The following IQSEC3 variants were observed in gnomAD, a reference collection of about 807,000 sequenced individuals.
IQSEC3 encodes the protein IQ motif and Sec7 domain ArfGEF 3.
A neutral mutation model predicts 105.4 loss-of-function variants in IQSEC3; 50 were observed. The observed-to-expected ratio is 0.47, with a 90% CI of 0.38 to 0.60. The LOEUF is 0.60. Among genes scored for constraint, IQSEC3 ranks in the 20% least tolerant of loss-of-function variants. IQSEC3 has a pLI of 0.00. For synonymous variants in IQSEC3, 708 were observed against 746.0 expected, an observed-to-expected ratio of 0.95 and a Z score of 0.83; for missense variants, 1,415 against 1,630.0, an observed-to-expected ratio of 0.87 and a Z score of 2.27.
At chr12:120,396 G>A (rs1452203057) in intron 2 of IQSEC3, among the ~76,000 whole-genome samples, 4 of 152,160 alleles carry the variant, frequency 2.6e-5, no homozygotes, top group Admixed American at 2.6e-4. Flanking sequence ...TGGGGATGAG[G>A]GTAGAAAGGG....
At chr12:168,201 G>A (rs1197466176) in intron 11 of IQSEC3, among the ~76,000 whole-genome samples, 3 of 152,188 alleles carry the variant, frequency 2.0e-5, no homozygotes, top group Admixed American at 6.5e-5. Flanking sequence ...GATGGCAGCC[G>A]GCAGTTCTGT....
chr12:125,078 A>G (rs925899992), intron 2 of IQSEC3, among the ~76,000 whole-genome samples: 3 of 152,248 alleles, frequency 2.0e-5, no homozygotes, highest in South Asian at 4.1e-4. Flanking sequence ...TGGTCAGTCT[A>G]AAGATGAGCT....
At position 171,394 on chromosome 12, in the gene IQSEC3, C is replaced by T. The variant is rs1938989675; in HGVS notation, c.3114+233C>T. ...TCTCCCCTTTCCCCAGCCTGCTGCC[C>T]TCCGAGGCCGAGCTCCCAGACTAAC... On this transcript the variant is annotated intron_variant, in intron 13 of 13. Coordinates refer to ENST00000538872, the MANE Select transcript of IQSEC3 (RefSeq NM_001170738.2). The T allele has an allele frequency of 2.8e-6, 4 of 1,430,402 alleles. No individual in the cohort carries two copies. In the Admixed American group the frequency reaches 6.8e-5, roughly 24 times the overall value. The allele number at this position is 1,430,402 out of a possible 1,614,324, so 88.6% of individuals were successfully genotyped here.
chr12:75,515 T>C (rs1404684870), intron 1 of IQSEC3, among the ~76,000 whole-genome samples: 1 of 152,152 alleles, frequency 6.6e-6, no homozygotes, highest in Admixed American at 6.5e-5. Flanking sequence ...TGATGTGTGA[T>C]AAGCTTGTTT....
intron 1 of IQSEC3, among the ~76,000 whole-genome samples, chr12:98,564 A>G (rs1864313387): frequency 6.6e-6 from 1 of 152,170 alleles, no homozygotes; most frequent in Non-Finnish European, 1.5e-5. Flanking sequence ...TAGAGCTGGG[A>G]CTAGAACCCA....
rs760410506 is a variant in IQSEC3 at position 83,309 on chromosome 12, C to T, written c.555-15837C>T. Among the ~76,000 whole-genome samples the T allele has an allele frequency of 5.3e-5, 8 of 152,086 alleles. No homozygotes were observed. In the East Asian group the frequency reaches 7.7e-4, roughly 15 times the overall value. On this transcript the variant is annotated intron_variant, in intron 1 of 13. Transcript: ENST00000538872. ...GCACAGGGATTCGCGGTGAACAAGT[C>T]GAACAAAGCCCCTGCCGTCATGGAG...
chr12:156,086 G>A (rs1484534132), intron 5 of IQSEC3, among the ~76,000 whole-genome samples: 2 of 152,206 alleles, frequency 1.3e-5, no homozygotes, highest in Non-Finnish European at 2.9e-5. Flanking sequence ...AGACCCTGCA[G>A]TGCAGAGTCC....
At chr12:147,400 TA>T (rs1866320684) in intron 5 of IQSEC3, among the ~76,000 whole-genome samples, 1 of 152,188 alleles carries the variant, frequency 6.6e-6, no homozygotes, top group Non-Finnish European at 1.5e-5. Context: ...GACGTGCTGC[TA>T]ATCTGTACCC....
chr12:138,190 T>G lies in IQSEC3; in HGVS notation c.904-77T>G. 3 of 1,329,964 alleles carry G rather than the reference T, an allele frequency of 2.3e-6. No individual in the cohort carries two copies. Among genetic ancestry groups the G allele is most frequent in the Non-Finnish European group, 3.1e-6 (3 of 962,074 alleles). The allele number at this position is 1,329,964 out of a possible 1,614,324, so 82.4% of individuals were successfully genotyped here. A position where few individuals can be genotyped will look rare whatever the true frequency, so the allele number is the denominator to read the frequency against. On this transcript the variant is annotated intron_variant, in intron 3 of 13. Transcript: ENST00000538872. The surrounding 1 kb of genome is among the most constrained non-coding windows in gnomAD (Gnocchi z 7.1). ...TGGGCCCCACCCGAGTGTGGCCGGG[T>G]GACTCCACCACTCCTCAGAAGGGCT... is the stretch of plus-strand genomic sequence containing the variant.
chr12:162,068 G>A lies in IQSEC3; in HGVS notation c.2583+3G>A. On this transcript the variant is annotated splice_donor_region_variant and intron_variant, in intron 8 of 13. Transcript: ENST00000538872. ...AGTCCATTGTGGGCATGAAGACAGTGAGTGTCCACAAGCTACCTATCTCCC... is the reference window on the plus strand; with the variant it reads ...AGTCCATTGTGGGCATGAAGACAGTAAGTGTCCACAAGCTACCTATCTCCC... 6.8e-6 allele frequency: 11 copies of A among 1,613,532 alleles called. No homozygotes were observed. Among genetic ancestry groups the A allele is most frequent in the Non-Finnish European group, 8.5e-6 (10 of 1,179,902 alleles).
At chr12:149,941 A>C (rs1866439253) in intron 5 of IQSEC3, among the ~76,000 whole-genome samples, 1 of 152,120 alleles carries the variant, frequency 6.6e-6, no homozygotes, top group East Asian at 1.9e-4. Flanking sequence ...GGATGTGGGG[A>C]GCCCTGGGAG....
intron 2 of IQSEC3, among the ~76,000 whole-genome samples, chr12:115,626 T>C (rs567128528): frequency 6.6e-6 from 1 of 152,334 alleles, no homozygotes; most frequent in African/African-American, 2.4e-5. Context: ...AGGCTTCGTG[T>C]AGATTATTTC....
At position 138,477 on chromosome 12, in the gene IQSEC3, G is replaced by C; in HGVS notation, c.1114G>C (p.Glu372Gln). Reference sequence around the variant, plus strand: ...CCTGGCGGCCGAGAAAGCGCTCATGGAGGGCTACGGCCTCGTGGGGCTGCC... The same window carrying C: ...CCTGGCGGCCGAGAAAGCGCTCATGCAGGGCTACGGCCTCGTGGGGCTGCC... ...ESLAAEKALM[E>Q]GYGLVGLPLV... Residue 372 changes from glutamate to glutamine, a missense_variant, in exon 4 of 14, where the codon GAG (glutamate) becomes CAG (glutamine). This residue lies in a region of IQSEC3 where 720 missense variants were observed against 633.0 expected (regional missense o/e 1.14). Transcript: ENST00000538872. The surrounding 1 kb of genome is among the most constrained non-coding windows in gnomAD (Gnocchi z 7.1). 6.3e-7 allele frequency: 1 copy of C among 1,597,346 alleles called. No homozygotes were observed. The highest frequency in any genetic ancestry group is 8.5e-7 in the Non-Finnish European group (1 of 1,177,138).
chr12:148,737 G>C (rs559313081), intron 5 of IQSEC3: 1 of 152,276 alleles, frequency 6.6e-6, no homozygotes, highest in African/African-American at 2.4e-5. Context: ...ATAAAGCCAG[G>C]GTTTCTACAT....
chr12:148,400 G>A (rs1288826524), intron 5 of IQSEC3: 5 of 152,146 alleles, frequency 3.3e-5, no homozygotes, highest in African/African-American at 7.2e-5. Flanking sequence ...GGATGCTGCC[G>A]AGCCCAGCAA....
intron 2 of IQSEC3, 96 bp from the exon 3 acceptor site, chr12:125,537 C>T: frequency 8.7e-6 from 11 of 1,263,994 alleles, no homozygotes; most frequent in Non-Finnish European, 1.1e-5. Flanking sequence ...ACAGGAAAGG[C>T]AGGCCAGAGT....
At chr12:113,723 TG>T (rs781903556) in intron 2 of IQSEC3, among the ~76,000 whole-genome samples, 38 of 152,196 alleles carry the variant, frequency 2.5e-4, no homozygotes, top group Non-Finnish European at 3.2e-4. Flanking sequence ...GAAACTGTCC[TG>T]ATGAACAGGA....
chr12:87,021 T>G (rs1047827656), intron 1 of IQSEC3, among the ~76,000 whole-genome samples: 4 of 152,100 alleles, frequency 2.6e-5, no homozygotes, highest in African/African-American at 4.8e-5. Context: ...TATATGCAGG[T>G]GCACTCCTAG....
At chr12:157,805 C>T in intron 7 of IQSEC3, 111 bp downstream of exon 7, 1 of 1,240,540 alleles carries the variant, frequency 8.1e-7, no homozygotes, top group Non-Finnish European at 1.1e-6. Flanking sequence ...CACCTGCTGT[C>T]TGGGCCTGGT....
Sources: allele counts gnomAD v4.1 joint callset (sites outside exome capture counted in the v4.1 genomes callset), GRCh38; gene constraint gnomAD v4.1.1; regional missense constraint gnomAD v4.1.1; non-coding constraint Gnocchi (gnomAD v3.1); transcripts MANE v1.5; gene names NCBI Gene and HGNC (gene_info 2026-07-23, HGNC 2026-07-21).